Variants in COQ3 observed in about 807,000 individuals in gnomAD.
The protein encoded by COQ3 is ubiquinone biosynthesis O-methyltransferase, mitochondrial.
COQ3 carries 29 observed loss-of-function variants against 33.1 expected under a neutral mutation model. The ratio of observed to expected loss-of-function variants is 0.88; its 90% CI spans 0.65 to 1.19. COQ3 has a LOEUF of 1.19. Among genes scored for constraint, COQ3 ranks in the 50% most tolerant of loss-of-function variants. The pLI, the probability that COQ3 is intolerant of heterozygous loss-of-function variation, is 0.00. For synonymous variants in COQ3, 173 were observed against 157.8 expected, an observed-to-expected ratio of 1.10 and a Z score of -0.72; for missense variants, 437 against 430.7, an observed-to-expected ratio of 1.01 and a Z score of -0.13.
At chr6:99,389,975 G>A (rs1292273256) in intron 1 of COQ3, among the ~76,000 whole-genome samples, 1 of 152,220 alleles carries the variant, frequency 6.6e-6, no homozygotes, top group Non-Finnish European at 1.5e-5. Flanking sequence ...TTAGCCAGGC[G>A]TGGTGGGGTG....
intron 1 of COQ3, 144 bp downstream of exon 1, chr6:99,393,930 G>C: frequency 1.6e-6 from 1 of 637,684 alleles, no homozygotes; most frequent in Non-Finnish European, 2.7e-6. Flanking sequence ...AATGGAGAGA[G>C]ATGGGGCCAG....
Position 99,376,074 on chromosome 6 carries a change from C to A in COQ3, c.595G>T (p.Glu199Ter), listed in dbSNP as rs1174904961. Residue 199 changes from glutamate to a stop codon, truncating the protein, a stop_gained, in exon 5 of 7, where the codon GAG (glutamate) becomes TAG (stop). Transcript: ENST00000254759. LOFTEE classifies it high-confidence loss of function. ...TCTTCCAGGGAACACACTCTGTACT[C>A]TATTCTCTTATCCAGGACTGGATCA... ...SFDPVLDKRI[E>*]YRVCSLEEIV... is the part of the protein sequence containing the mutation. 9.3e-6 allele frequency: 15 copies of A among 1,614,024 alleles called. No homozygotes were observed. Among genetic ancestry groups the A allele is most frequent in the Non-Finnish European group, 1.1e-5 (13 of 1,180,004 alleles).
At chr6:99,378,948 CTTT>C (rs144759090) in intron 3 of COQ3, among the ~76,000 whole-genome samples, 1 of 142,682 alleles carries the variant, frequency 7.0e-6, no homozygotes, top group African/African-American at 2.6e-5. Context: ...CAATTTCTTT[CTTT>C]TTTTTTTTTT....
At chr6:99,386,009 A>G (rs528519082) in intron 1 of COQ3, among the ~76,000 whole-genome samples, 1 of 145,476 alleles carries the variant, frequency 6.9e-6, no homozygotes, top group African/African-American at 2.5e-5. Context: ...GAAAAAAGAA[A>G]AGAAAAGAAA....
intron 6 of COQ3, 124 bp from the exon 7 acceptor site, chr6:99,369,944 A>G (rs1774080208): frequency 3.2e-6 from 2 of 619,844 alleles, no homozygotes; most frequent in Non-Finnish European, 2.8e-6. Context: ...GGAAAAGAAG[A>G]AAAAAAAAGG....
chr6:99,391,551 A>ATATAAGGTAT (rs1371939321), intron 1 of COQ3, among the ~76,000 whole-genome samples: 11 of 152,094 alleles, frequency 7.2e-5, no homozygotes, highest in African/African-American at 2.7e-4. Flanking sequence ...CGATAACGAC[A>ATATAAGGTAT]TATAAGGTAT....
Position 99,378,640 on chromosome 6 carries a change from T to A in COQ3, c.387-1155A>T, listed in dbSNP as rs531012967. On this transcript the variant is annotated intron_variant, in intron 3 of 6. Coordinates refer to ENST00000254759, the MANE Select transcript of COQ3 (RefSeq NM_017421.4). ...GCAGTAGGTCCCTGATGAGACGTGA[T>A]AATTTGCATTTCTAATGAGCTCCTA... Among the ~76,000 whole-genome samples, 4 of 152,318 alleles carry A rather than the reference T, an allele frequency of 2.6e-5. No individual in the cohort carries two copies. In the East Asian group the frequency reaches 7.7e-4, roughly 29 times the overall value.
At chr6:99,375,271 A>T (rs114034381) in intron 5 of COQ3, among the ~76,000 whole-genome samples, 1 of 151,972 alleles carries the variant, frequency 6.6e-6, no homozygotes. Flanking sequence ...CCCAGCCTCA[A>T]ATCAATGTCT....
chr6:99,373,515 T>C (rs1774198854), intron 5 of COQ3, among the ~76,000 whole-genome samples: 1 of 152,074 alleles, frequency 6.6e-6, no homozygotes, highest in Non-Finnish European at 1.5e-5. Flanking sequence ...TAAGCAATAG[T>C]CATTTTTAAA....
chr6:99,371,561 T>C lies in COQ3; in HGVS notation c.756A>G (p.Thr252=), dbSNP rs1774145760. The change falls in exon 6 of 7, where the codon ACA becomes ACG. Residue 252 remains threonine, a synonymous_variant. Coordinates refer to ENST00000254759, the MANE Select transcript of COQ3 (RefSeq NM_017421.4). ...CATAGGAAAGTTGTGTTTTGTTGAT[T>C]GTAGTAATGAATAAAGAACCACCGG... is the stretch of plus-strand genomic sequence containing the variant. ...LKPGGSLFIT[T]INKTQLSYAL... is the part of the protein sequence containing the mutation. 1.2e-6 allele frequency: 2 copies of C among 1,601,366 alleles called. No individual in the cohort carries two copies. The highest frequency in any genetic ancestry group is 2.3e-5 in the South Asian group (2 of 88,072).
chr6:99,381,746 T>C (rs1023014763), intron 2 of COQ3, among the ~76,000 whole-genome samples: 1 of 152,002 alleles, frequency 6.6e-6, no homozygotes, highest in Non-Finnish European at 1.5e-5. Flanking sequence ...GCCAACATGG[T>C]GAAACCCAGT....
At chr6:99,388,886 TACACGCAC>T (rs1280608056) in intron 1 of COQ3, among the ~76,000 whole-genome samples, 2 of 79,684 alleles carry the variant, frequency 2.5e-5, no homozygotes, top group African/African-American at 4.7e-5. Context: ...CACTAATGTA[TACACGCAC>T]ACACACACAC....
chr6:99,384,584 GA>G (rs1313486108), intron 1 of COQ3, among the ~76,000 whole-genome samples: 2 of 151,562 alleles, frequency 1.3e-5, no homozygotes, highest in Non-Finnish European at 2.9e-5. Flanking sequence ...CTTTACAGAG[GA>G]AAAAAAATGT....
chr6:99,389,495 G>T (rs1347554094), intron 1 of COQ3, among the ~76,000 whole-genome samples: 1 of 152,036 alleles, frequency 6.6e-6, no homozygotes, highest in Non-Finnish European at 1.5e-5. Context: ...AAATCAAAAA[G>T]TACAAAAGGG....
At chr6:99,387,665 T>G (rs536112210) in intron 1 of COQ3, among the ~76,000 whole-genome samples, 1 of 152,174 alleles carries the variant, frequency 6.6e-6, no homozygotes, top group African/African-American at 2.4e-5. Context: ...CCTTTCCCCC[T>G]AAAATCAGAA....
intron 4 of COQ3, 83 bp from the exon 5 acceptor site, chr6:99,376,265 A>T: frequency 7.0e-7 from 1 of 1,433,146 alleles, no homozygotes; most frequent in Non-Finnish European, 9.5e-7. Flanking sequence ...AAATGAAACA[A>T]GATTAACCAT....
intron 4 of COQ3, among the ~76,000 whole-genome samples, chr6:99,377,153 G>A (rs1402033820): frequency 1.3e-5 from 2 of 148,608 alleles, no homozygotes; most frequent in African/African-American, 5.0e-5. Flanking sequence ...GGGATTACAG[G>A]TGCCCGCCAC....
At chr6:99,389,334 C>T (rs529738898) in intron 1 of COQ3, among the ~76,000 whole-genome samples, 2 of 152,196 alleles carry the variant, frequency 1.3e-5, no homozygotes, top group South Asian at 4.1e-4. Context: ...CATGTTGACC[C>T]GCCTGATCTC....
rs1005046176 is a variant in COQ3 at position 99,376,254 on chromosome 6, A to G, written c.487-72T>C. 10 of 1,497,272 alleles carry G rather than the reference A, an allele frequency of 6.7e-6. No homozygotes were observed. In the African/African-American group the frequency reaches 1.4e-4, roughly 21 times the overall value. 92.7% of individuals were successfully genotyped at this position (1,497,272 alleles called of 1,614,324 possible). On this transcript the variant is annotated intron_variant, in intron 4 of 6. Transcript: ENST00000254759. The stretch of plus-strand genomic sequence containing the variant: ...CATGTTAGCAATAAAAAGCTTATCA[A>G]AAATGAAACAAGATTAACCATGAGG...
Sources: gnomAD v4.1 joint callset for allele counts (sites outside exome capture counted in the v4.1 genomes callset) on GRCh38, gnomAD v4.1.1 for gene constraint, MANE v1.5 for transcripts, NCBI Gene and HGNC (gene_info 2026-07-23, HGNC 2026-07-21) for gene names.